SESTD1: variants seen among roughly 807,000 people sequenced by gnomAD.
The protein encoded by SESTD1 is SEC14 domain and spectrin repeat-containing protein 1.
In SESTD1, 43 loss-of-function variants were observed where a neutral mutation model predicts 101.7. The observed-to-expected ratio is 0.42, with a 90% CI of 0.33 to 0.55. SESTD1 has a LOEUF of 0.55. Ranked by LOEUF, SESTD1 falls within the 20% of genes least tolerant of loss-of-function variation. The pLI is 0.07. For missense variants in SESTD1, 647 were observed against 815.1 expected, an observed-to-expected ratio of 0.79 and a Z score of 2.51; for synonymous variants, 283 against 286.8, an observed-to-expected ratio of 0.99 and a Z score of 0.13.
chr2:179,229,749 TTATA>T lies in SESTD1; in HGVS notation c.-26+34746_-26+34749del, dbSNP rs71023472. On this transcript the variant is annotated intron_variant, in intron 1 of 17. Coordinates refer to ENST00000428443, the MANE Select transcript of SESTD1 (RefSeq NM_178123.5). ...AAGAAATTTAAGATTTTGTAAGAAC[TTATA>T]TATATATATATATATATATATACTC... is the stretch of plus-strand genomic sequence containing the variant. Among the ~76,000 whole-genome samples, 424 of 106,346 alleles carry T rather than the reference TTATA, an allele frequency of 4.0e-3. 4 individuals are homozygous for T. Among genetic ancestry groups the T allele is most frequent in the Middle Eastern group, 9.8e-3 (2 of 204 alleles). The allele number at this position is 106,346 out of a possible 152,430, so 69.8% of individuals were successfully genotyped here.
chr2:179,167,119 T>A (rs2045848879), intron 5 of SESTD1, among the ~76,000 whole-genome samples: 1 of 152,098 alleles, frequency 6.6e-6, no homozygotes, highest in African/African-American at 2.4e-5. Context: ...AGATAGGAAA[T>A]TTAAGATACT....
chr2:179,241,370 G>C (rs560258965), intron 1 of SESTD1, among the ~76,000 whole-genome samples: 12 of 152,140 alleles, frequency 7.9e-5, no homozygotes, highest in African/African-American at 2.4e-4. Context: ...GAATGAAGCG[G>C]AAAGAGGAGG....
intron 7 of SESTD1, among the ~76,000 whole-genome samples, chr2:179,147,715 C>A (rs1000187913): frequency 2.0e-5 from 3 of 152,160 alleles, no homozygotes; most frequent in Admixed American, 2.0e-4. Context: ...TGCACTGCTT[C>A]TTCAGAACCT....
chr2:179,193,615 T>C (rs569348339), intron 1 of SESTD1, among the ~76,000 whole-genome samples: 2 of 152,354 alleles, frequency 1.3e-5, no homozygotes, highest in African/African-American at 4.8e-5. Context: ...AACTATGCAC[T>C]GTTTTAAACG....
chr2:179,200,388 C>T (rs1319594028), intron 1 of SESTD1, among the ~76,000 whole-genome samples: 3 of 152,030 alleles, frequency 2.0e-5, no homozygotes, highest in African/African-American at 7.3e-5. Flanking sequence ...ATCAAGCTAC[C>T]AATGACTTTC....
chr2:179,189,937 AC>A (rs1172467379), intron 2 of SESTD1, among the ~76,000 whole-genome samples: 1 of 152,110 alleles, frequency 6.6e-6, no homozygotes, highest in Non-Finnish European at 1.5e-5. Flanking sequence ...TAATGGAAAA[AC>A]ATTCCATCGT....
intron 4 of SESTD1, chr2:179,174,274 CTGTT>C (rs1038649542): frequency 1.6e-5 from 6 of 370,034 alleles, no homozygotes; most frequent in Admixed American, 4.3e-5. Context: ...TATGTAGAAA[CTGTT>C]TGACTAGAAG....
chr2:179,128,690 C>T (rs919964891), intron 10 of SESTD1, among the ~76,000 whole-genome samples: 1 of 148,132 alleles, frequency 6.8e-6, no homozygotes, highest in Non-Finnish European at 1.5e-5. Context: ...GATAGCACCA[C>T]TGCACTCCAG....
rs757175096 is a variant in SESTD1 at position 179,183,130 on chromosome 2, T to G, written c.114A>C (p.Thr38=). 2 of 1,612,372 alleles carry G rather than the reference T, an allele frequency of 1.2e-6. No homozygotes were observed. Among genetic ancestry groups the G allele is most frequent in the Admixed American group, 1.7e-5 (1 of 59,752 alleles). The change falls in exon 3 of 18, where the codon ACA becomes ACC. Residue 38 remains threonine (T), a synonymous_variant. Transcript: ENST00000428443. The part of the protein sequence containing the change: ...ILTIPLCLEQ[T]NMDELSVTLD... The stretch of plus-strand genomic sequence containing the variant: ...AGGTGACACTCAGCTCATCCATATT[T>G]GTCTGTTCGAGGCATAATGGAATTG...
At chr2:179,190,041 A>G (rs928461616) in intron 2 of SESTD1, among the ~76,000 whole-genome samples, 2 of 152,196 alleles carry the variant, frequency 1.3e-5, no homozygotes, top group African/African-American at 4.8e-5. Flanking sequence ...TTTTCACAGA[A>G]TAGAAAAAAA....
At chr2:179,242,567 C>T (rs1162811981) in intron 1 of SESTD1, among the ~76,000 whole-genome samples, 1 of 152,164 alleles carries the variant, frequency 6.6e-6, no homozygotes, top group Non-Finnish European at 1.5e-5. Flanking sequence ...TCAAACAATA[C>T]TATAAGGCTA....
At chr2:179,213,228 C>T (rs1319897791) in intron 1 of SESTD1, among the ~76,000 whole-genome samples, 8 of 134,288 alleles carry the variant, frequency 6.0e-5, no homozygotes, top group Non-Finnish European at 1.1e-4. Flanking sequence ...TCTAACCCAT[C>T]GCAAGGAAGC....
At chr2:179,111,699 G>A (rs2044510778) in intron 17 of SESTD1, among the ~76,000 whole-genome samples, 2 of 151,908 alleles carry the variant, frequency 1.3e-5, no homozygotes, top group Admixed American at 1.3e-4. Context: ...AAATCACCAG[G>A]GATGAAGCTC....
rs146926525 is a variant in SESTD1, at chr2:179,185,585, T to C, written c.56-2397A>G. On this transcript the variant is annotated intron_variant, in intron 2 of 17. Coordinates refer to ENST00000428443, the MANE Select transcript of SESTD1 (RefSeq NM_178123.5). The stretch of plus-strand genomic sequence containing the variant: ...TATATGTATATAATATACTATATTA[T>C]ATATTGTATATTATATACATATATA... Among the ~76,000 whole-genome samples, 247 of 130,782 alleles carry C rather than the reference T, an allele frequency of 1.9e-3. 4 individuals are homozygous for C. Among genetic ancestry groups the C allele is most frequent in the African/African-American group, 7.0e-3 (235 of 33,538 alleles). The allele number at this position is 130,782 out of a possible 152,430, so 85.8% of individuals were successfully genotyped here.
In SESTD1 at chr2:179,213,467, C is replaced by T. The variant is rs548854112; in HGVS notation, c.-25-21601G>A. On this transcript the variant is annotated intron_variant, in intron 1 of 17. Coordinates refer to ENST00000428443, the MANE Select transcript of SESTD1 (RefSeq NM_178123.5). The stretch of plus-strand genomic sequence containing the variant: ...TTAAAGAAAAAAGAGTAAAAAGAAA[C>T]GAACAAAGCCTCCAAGAAATATGGG... 3.4e-4 allele frequency among the ~76,000 whole-genome samples: 45 copies of T among 134,188 alleles called. 7 individuals are homozygous for T. The highest frequency in any genetic ancestry group is 2.0e-3 in the South Asian group (7 of 3,500). The allele number at this position is 134,188 out of a possible 152,430, so 88.0% of individuals were successfully genotyped here. A position where few individuals can be genotyped will look rare whatever the true frequency, so the allele number is the denominator to read the frequency against.
intron 1 of SESTD1, among the ~76,000 whole-genome samples, chr2:179,196,246 G>A (rs777573148): frequency 7.2e-5 from 11 of 152,310 alleles, no homozygotes; most frequent in South Asian, 2.1e-4. Context: ...GCGCTTTTCC[G>A]ACGGGCTTAA....
At chr2:179,190,140 T>C (rs1436273498) in intron 2 of SESTD1, among the ~76,000 whole-genome samples, 2 of 152,014 alleles carry the variant, frequency 1.3e-5, no homozygotes, top group Non-Finnish European at 2.9e-5. Context: ...ACATTACCTG[T>C]CTTCAAACTA....
chr2:179,250,391 G>C (rs1030998622), intron 1 of SESTD1, among the ~76,000 whole-genome samples: 2 of 152,170 alleles, frequency 1.3e-5, no homozygotes, highest in South Asian at 2.1e-4. Flanking sequence ...AAAAACACTG[G>C]ATCACTCATT....
intron 2 of SESTD1, among the ~76,000 whole-genome samples, chr2:179,187,294 C>T (rs962740653): frequency 6.6e-6 from 1 of 152,098 alleles, no homozygotes; most frequent in Non-Finnish European, 1.5e-5. Context: ...AGGTCTAACA[C>T]CCCACTTAAA....
Sources: gnomAD v4.1 joint callset for allele counts (sites outside exome capture counted in the v4.1 genomes callset) on GRCh38, gnomAD v4.1.1 for gene constraint, MANE v1.5 for transcripts, NCBI Gene and HGNC (gene_info 2026-07-23, HGNC 2026-07-21) for gene names.